CPNE8: variants seen among roughly 807,000 people sequenced by gnomAD.
CPNE8 encodes copine 8, also known as copine-8.
A neutral mutation model predicts 81.5 loss-of-function variants in CPNE8; 45 were observed. The observed-to-expected ratio is 0.55, with a 90% CI of 0.44 to 0.71. The LOEUF is 0.71. Among genes scored for constraint, CPNE8 ranks in the 30% least tolerant of loss-of-function variants. CPNE8 has a pLI of 0.00. For synonymous variants in CPNE8, 252 were observed against 226.3 expected, an observed-to-expected ratio of 1.11 and a Z score of -1.02; for missense variants, 594 against 672.1, an observed-to-expected ratio of 0.88 and a Z score of 1.28.
intron 4 of CPNE8, among the ~76,000 whole-genome samples, chr12:38,845,328 T>C (rs1943539159): frequency 6.6e-6 from 1 of 152,180 alleles, no homozygotes; most frequent in Non-Finnish European, 1.5e-5. Flanking sequence ...GGTACGTGTG[T>C]GTACGTGTGC....
chr12:38,677,528 G>A lies in CPNE8; in HGVS notation c.1298C>T (p.Ser433Phe), dbSNP rs1592003984. The A allele has an allele frequency of 5.0e-6, 8 of 1,611,804 alleles. No individual in the cohort carries two copies. Among genetic ancestry groups the A allele is most frequent in the Non-Finnish European group, 6.8e-6 (8 of 1,178,510 alleles). ...AACAATCAGAAGCACAAAATACTGGGAGCCATCCTTTACAGAAGAAGCATA... is the reference window on the plus strand; with the variant it reads ...AACAATCAGAAGCACAAAATACTGGAAGCCATCCTTTACAGAAGAAGCATA... ...ARYASSVKDG[S>F]QYFVLLIVTD... The change falls in exon 17 of 20, where the codon TCC becomes TTC. Residue 433 changes from serine (S) to phenylalanine (F), a missense_variant. Coordinates refer to ENST00000331366, the MANE Select transcript of CPNE8 (RefSeq NM_153634.3).
At chr12:38,862,280 T>C (rs1294182720) in intron 3 of CPNE8, among the ~76,000 whole-genome samples, 1 of 150,560 alleles carries the variant, frequency 6.6e-6, no homozygotes, top group Non-Finnish European at 1.5e-5. Flanking sequence ...ATAATCATTA[T>C]ATATTTCTCT....
Position 38,654,076 on chromosome 12 carries a change from A to G in CPNE8, c.1507-6T>C. 6.3e-7 allele frequency: 1 copy of G among 1,579,702 alleles called. No individual in the cohort carries two copies. The highest frequency in any genetic ancestry group is 8.6e-7 in the Non-Finnish European group (1 of 1,162,940). ...TAATCCCTGAATGGCACAAACTAAA[A>G]CAGAGACGAAAGAAAGTTATTTCAC... On this transcript the variant is annotated splice_polypyrimidine_tract_variant and splice_region_variant and intron_variant, in intron 19 of 19. Coordinates refer to ENST00000331366, the MANE Select transcript of CPNE8 (RefSeq NM_153634.3).
At chr12:38,902,360 GAAAGAAAGAAAGAAAGAAAGA>G (rs1944488877) in intron 1 of CPNE8, among the ~76,000 whole-genome samples, 1 of 68,080 alleles carries the variant, frequency 1.5e-5, no homozygotes, top group African/African-American at 8.8e-5. Context: ...AAGAAAGAAA[GAAAGAAAGAAAGAAAGAAAGA>G]AAAGAAAGAA....
intron 1 of CPNE8, among the ~76,000 whole-genome samples, chr12:38,900,266 C>G (rs996988460): frequency 5.9e-5 from 9 of 151,976 alleles, no homozygotes; most frequent in African/African-American, 2.2e-4. Context: ...TGTGTATAAC[C>G]AGCACAGCTT....
In CPNE8 at chr12:38,867,305, AGTGTGTGTGTGTGT is replaced by A. The variant is rs35874005; in HGVS notation, c.186+5685_186+5698del. ...GTCCTTGATGTTTGTTGAATAGTAT[AGTGTGTGTGTGTGT>A]GTGTGTGTGTGTGTGTGTGTGAGAG... On this transcript the variant is annotated intron_variant, in intron 3 of 19. Transcript: ENST00000331366. 6.1e-3 allele frequency among the ~76,000 whole-genome samples: 818 copies of A among 133,216 alleles called. 5 individuals carry two copies. The highest frequency in any genetic ancestry group is 0.021 in the African/African-American group (764 of 35,630). 87.4% of individuals were successfully genotyped at this position (133,216 alleles called of 152,430 possible). A position where few individuals can be genotyped will look rare whatever the true frequency, so the allele number is the denominator to read the frequency against.
chr12:38,686,068 T>C (rs117149871), intron 15 of CPNE8, among the ~76,000 whole-genome samples: 2,139 of 152,312 alleles, frequency 0.014, 21 homozygotes, highest in Non-Finnish European at 0.026. Flanking sequence ...TTCTCTATTT[T>C]TCCAATTTTT....
chr12:38,728,870 A>G (rs1470512624), intron 11 of CPNE8, among the ~76,000 whole-genome samples: 2 of 152,120 alleles, frequency 1.3e-5, no homozygotes, highest in Non-Finnish European at 2.9e-5. Context: ...CTTCAGACTG[A>G]TCTCTTCTTT....
At chr12:38,805,975 C>G (rs1283031057) in intron 6 of CPNE8, among the ~76,000 whole-genome samples, 1 of 150,218 alleles carries the variant, frequency 6.7e-6, no homozygotes, top group East Asian at 2.2e-4. Flanking sequence ...CTACAAACAC[C>G]TCTACGCAAA....
chr12:38,799,704 G>C (rs888531545), intron 6 of CPNE8, among the ~76,000 whole-genome samples: 1 of 151,632 alleles, frequency 6.6e-6, no homozygotes, highest in African/African-American at 2.4e-5. Context: ...CAGCGTGAGC[G>C]ACGCAGAAGA....
intron 6 of CPNE8, among the ~76,000 whole-genome samples, chr12:38,791,357 T>C (rs192326713): frequency 2.6e-5 from 4 of 151,688 alleles, no homozygotes; most frequent in African/African-American, 9.6e-5. Context: ...AAATGGACCA[T>C]ATACTATGTT....
intron 1 of CPNE8, among the ~76,000 whole-genome samples, chr12:38,891,654 T>C (rs555141075): frequency 1.3e-3 from 203 of 151,956 alleles, no homozygotes; most frequent in Admixed American, 2.1e-3. Flanking sequence ...TCCATGTTGG[T>C]CAGGCTGGTC....
At chr12:38,717,311 C>A (rs1291200851) in intron 13 of CPNE8, among the ~76,000 whole-genome samples, 1 of 150,654 alleles carries the variant, frequency 6.6e-6, no homozygotes, top group Non-Finnish European at 1.5e-5. Context: ...GGAAAAGAAG[C>A]CATTATATGA....
At chr12:38,889,751 G>A (rs1944284630) in intron 1 of CPNE8, among the ~76,000 whole-genome samples, 1 of 152,158 alleles carries the variant, frequency 6.6e-6, no homozygotes, top group Non-Finnish European at 1.5e-5. Flanking sequence ...TCTTTGCATG[G>A]GTCAGACTGG....
At chr12:38,890,342 T>C (rs1174111426) in intron 1 of CPNE8, among the ~76,000 whole-genome samples, 1 of 152,190 alleles carries the variant, frequency 6.6e-6, no homozygotes, top group Non-Finnish European at 1.5e-5. Context: ...CCAAGGAAAC[T>C]TTATAGCCAG....
intron 10 of CPNE8, among the ~76,000 whole-genome samples, chr12:38,754,706 A>C (rs1565599012): frequency 6.6e-6 from 1 of 152,034 alleles, no homozygotes; most frequent in Non-Finnish European, 1.5e-5. Context: ...AAAATTCACA[A>C]GCTAGAGTTG....
At chr12:38,676,210 T>C (rs1939285916) in intron 17 of CPNE8, 1 of 659,534 alleles carries the variant, frequency 1.5e-6, no homozygotes, top group Non-Finnish European at 1.9e-6. Context: ...TTCATTAAAA[T>C]AATTTGTGAG....
At chr12:38,789,460 ATTAC>A (rs1942273995) in intron 6 of CPNE8, among the ~76,000 whole-genome samples, 1 of 151,946 alleles carries the variant, frequency 6.6e-6, no homozygotes, top group Admixed American at 6.6e-5. Flanking sequence ...ATCAAAATGG[ATTAC>A]TTAAACAAAA....
At chr12:38,702,042 T>G (rs959106971) in intron 14 of CPNE8, among the ~76,000 whole-genome samples, 1 of 152,172 alleles carries the variant, frequency 6.6e-6, no homozygotes, top group African/African-American at 2.4e-5. Flanking sequence ...AGGTACTTTC[T>G]TCCCTAAAAT....
Sources: gnomAD v4.1 joint callset for allele counts (sites outside exome capture counted in the v4.1 genomes callset) on GRCh38, gnomAD v4.1.1 for gene constraint, MANE v1.5 for transcripts, NCBI Gene and HGNC (gene_info 2026-07-23, HGNC 2026-07-21) for gene names.